The following BNC2 variants were observed in gnomAD, a reference collection of about 807,000 sequenced individuals.
The protein encoded by BNC2 is zinc finger protein basonuclin-2.
BNC2 carries 20 observed loss-of-function variants against 76.3 expected under a neutral mutation model. The observed-to-expected ratio is 0.26, with a 90% CI of 0.18 to 0.38. The LOEUF (loss-of-function observed/expected upper bound fraction) is 0.38, where lower values mean the gene tolerates loss of function less well. Ranked by LOEUF, BNC2 falls within the 10% of genes least tolerant of loss-of-function variation. The probability of loss-of-function intolerance (pLI) is 1.00; values close to 1 mark genes in which losing one functional copy is unlikely to be tolerated. For missense variants in BNC2, 1,382 were observed against 1,399.8 expected (o/e 0.99, Z 0.20); for synonymous variants, 582 against 514.8 (o/e 1.13, Z -1.77).
At chr9:16,639,717 G>C (rs557846046) in intron 3 of BNC2, among the ~76,000 whole-genome samples, 1 of 152,188 alleles carries the variant, frequency 6.6e-6, no homozygotes, top group East Asian at 1.9e-4. Context: ...AAGAGTTTCA[G>C]ACCAGCCTCG....
chr9:16,621,123 T>C (rs897003352), intron 3 of BNC2, among the ~76,000 whole-genome samples: 1 of 152,200 alleles, frequency 6.6e-6, no homozygotes, highest in African/African-American at 2.4e-5. Context: ...GACTGATCAT[T>C]CTTTTTCCCT....
intron 4 of BNC2, among the ~76,000 whole-genome samples, chr9:16,569,797 G>C (rs142902517): frequency 1.3e-4 from 20 of 152,268 alleles, no homozygotes; most frequent in Middle Eastern, 3.4e-3. Context: ...AAGAGATTTA[G>C]TAACTGAATC....
In BNC2 at chr9:16,412,862, A is replaced by C. The variant is rs1036362145; in HGVS notation, c.*6127T>G. 6.6e-6 allele frequency: 1 copy of C among 152,524 alleles called. No homozygotes were observed. The highest frequency in any genetic ancestry group is 2.4e-5 in the African/African-American group (1 of 41,426). 9.4% of individuals were successfully genotyped at this position (152,524 alleles called of 1,614,324 possible). On this transcript the variant is annotated 3_prime_UTR_variant, in exon 7 of 7. Transcript: ENST00000380672. ...TCCTTCACAAGGGGATAAACAGGCAATTACGCATCCTTTTATATTTGATGG... is the reference window on the plus strand; with the variant it reads ...TCCTTCACAAGGGGATAAACAGGCACTTACGCATCCTTTTATATTTGATGG...
chr9:16,431,482 C>T (rs1820907041), intron 6 of BNC2: 1 of 470,000 alleles, frequency 2.1e-6, no homozygotes. Flanking sequence ...TTAGAATTTC[C>T]TCTTCCTAGG....
chr9:16,439,784 C>G (rs1358645321), intron 5 of BNC2, among the ~76,000 whole-genome samples: 2 of 152,198 alleles, frequency 1.3e-5, no homozygotes, highest in East Asian at 3.8e-4. Context: ...AGCATCCTAC[C>G]ATTTTACATA....
intron 1 of BNC2, among the ~76,000 whole-genome samples, chr9:16,745,059 A>C (rs1319355636): frequency 6.6e-6 from 1 of 152,194 alleles, no homozygotes; most frequent in Admixed American, 6.5e-5. Context: ...ACCTTTTACT[A>C]ATTGTGTGAT....
intron 1 of BNC2, among the ~76,000 whole-genome samples, chr9:16,781,079 G>A (rs1368492590): frequency 6.6e-6 from 1 of 151,418 alleles, no homozygotes; most frequent in African/African-American, 2.4e-5. Context: ...TTTTTAGAGT[G>A]GGCACTCTAA....
chr9:16,845,137 G>C (rs1460723943), intron 1 of BNC2, among the ~76,000 whole-genome samples: 1 of 152,150 alleles, frequency 6.6e-6, no homozygotes, highest in Admixed American at 6.5e-5. Flanking sequence ...GCACTGCCAG[G>C]ATGCCCCATG....
intron 3 of BNC2, among the ~76,000 whole-genome samples, chr9:16,723,512 AC>A (rs1824228043): frequency 6.8e-6 from 1 of 146,182 alleles, no homozygotes; most frequent in Admixed American, 6.9e-5. Flanking sequence ...GGGGGGGGGG[AC>A]AAAAACATTT....
At chr9:16,760,002 C>T (rs187191151) in intron 1 of BNC2, among the ~76,000 whole-genome samples, 76 of 152,238 alleles carry the variant, frequency 5.0e-4, no homozygotes, top group Admixed American at 3.6e-3. Context: ...GGATTACAGG[C>T]GTGAGCCACC....
chr9:16,733,404 G>A (rs1252393511), intron 2 of BNC2, among the ~76,000 whole-genome samples: 1 of 152,046 alleles, frequency 6.6e-6, no homozygotes, highest in African/African-American at 2.4e-5. Flanking sequence ...TCACTGTAAA[G>A]AAATGAATAG....
At chr9:16,617,245 T>A (rs952159117) in intron 3 of BNC2, among the ~76,000 whole-genome samples, 6 of 152,194 alleles carry the variant, frequency 3.9e-5, no homozygotes, top group African/African-American at 1.4e-4. Flanking sequence ...AAACCTACTT[T>A]TGAACTAAAC....
At chr9:16,650,535 G>T (rs1821764467) in intron 3 of BNC2, among the ~76,000 whole-genome samples, 1 of 151,906 alleles carries the variant, frequency 6.6e-6, no homozygotes, top group South Asian at 2.1e-4. Flanking sequence ...CAGTAGAAAA[G>T]ATTATTTCAA....
At chr9:16,540,196 A>C (rs1315500819) in intron 5 of BNC2, among the ~76,000 whole-genome samples, 1 of 147,904 alleles carries the variant, frequency 6.8e-6, no homozygotes, top group Non-Finnish European at 1.5e-5. Context: ...TGCAAGACAC[A>C]ACCCAGGGTA....
chr9:16,550,388 A>G (rs768716605), intron 5 of BNC2, among the ~76,000 whole-genome samples: 2 of 152,212 alleles, frequency 1.3e-5, no homozygotes, highest in Non-Finnish European at 2.9e-5. Flanking sequence ...GCCCTCCCAT[A>G]CAAAGAAATA....
At chr9:16,709,723 G>A (rs1009578488) in intron 3 of BNC2, among the ~76,000 whole-genome samples, 1 of 152,090 alleles carries the variant, frequency 6.6e-6, no homozygotes, top group African/African-American at 2.4e-5. Context: ...GGAGAGACAG[G>A]GAAAGACTAC....
intron 3 of BNC2, among the ~76,000 whole-genome samples, chr9:16,692,437 C>T (rs1054134917): frequency 6.6e-6 from 1 of 152,116 alleles, no homozygotes; most frequent in African/African-American, 2.4e-5. Context: ...GCCTTGTTTC[C>T]TGCACCTGTA....
chr9:16,583,141 T>C, intron 3 of BNC2, 56 bp from the exon 4 acceptor site: 1 of 1,357,838 alleles, frequency 7.4e-7, no homozygotes, highest in East Asian at 2.3e-5. Context: ...ACTATACTCT[T>C]TTCACCATTT....
intron 5 of BNC2, among the ~76,000 whole-genome samples, chr9:16,441,807 T>G (rs936928732): frequency 6.6e-6 from 1 of 152,160 alleles, no homozygotes; most frequent in Non-Finnish European, 1.5e-5. Context: ...GAAAAACTAG[T>G]CCTCCTTGCA....
Sources: allele counts gnomAD v4.1 joint callset (sites outside exome capture counted in the v4.1 genomes callset), GRCh38; gene constraint gnomAD v4.1.1; transcripts MANE v1.5; gene names NCBI Gene and HGNC (gene_info 2026-07-23, HGNC 2026-07-21).